The following UGT1A8 variants were observed in gnomAD, a reference collection of about 807,000 sequenced individuals.
UGT1A8 encodes the protein UDP glucuronosyltransferase family 1 member A8.
UGT1A8 carries 39 observed loss-of-function variants against 45.3 expected under a neutral mutation model. The observed-to-expected ratio is 0.86, with a 90% CI of 0.67 to 1.12. UGT1A8 has a LOEUF of 1.12. Among genes scored for constraint, UGT1A8 ranks in the 50% most tolerant of loss-of-function variants. The pLI, the probability that UGT1A8 is intolerant of heterozygous loss-of-function variation, is 0.00. For synonymous variants in UGT1A8, 275 were observed against 249.2 expected (o/e 1.10, Z -0.97); for missense variants, 719 against 664.9 (o/e 1.08, Z -0.90).
At chr2:233,661,597 C>G (rs948798053) in intron 1 of UGT1A8, among the ~76,000 whole-genome samples, 2 of 145,708 alleles carry the variant, frequency 1.4e-5, no homozygotes, top group Non-Finnish European at 3.1e-5. Flanking sequence ...AGCCTGCTGG[C>G]ATCACTGCAG....
rs45497792 is a variant in UGT1A8, at chr2:233,681,467, G to A, written c.855+62905G>A. 3.0e-3 allele frequency among the ~76,000 whole-genome samples: 440 copies of A among 144,686 alleles called. 4 individuals are homozygous for A. Among genetic ancestry groups the A allele is most frequent in the African/African-American group, 0.011 (418 of 38,962 alleles). 94.9% of individuals were successfully genotyped at this position (144,686 alleles called of 152,430 possible). On this transcript the variant is annotated intron_variant, in intron 1 of 4. Transcript: ENST00000373450. ...AATCGTTTGAACCCAGGAAGTGGAGGTTGCAGTGAGCCTAGATCTTACCAC... is the reference window on the plus strand; with the variant it reads ...AATCGTTTGAACCCAGGAAGTGGAGATTGCAGTGAGCCTAGATCTTACCAC...
At chr2:233,689,976 G>A (rs1450034363) in intron 1 of UGT1A8, 1 of 453,954 alleles carries the variant, frequency 2.2e-6, no homozygotes, top group East Asian at 7.0e-5. Context: ...GAACCCACAG[G>A]CCCCTAAAAG....
At chr2:233,636,574 C>T in intron 1 of UGT1A8, 1 of 1,614,154 alleles carries the variant, frequency 6.2e-7, no homozygotes, top group East Asian at 2.2e-5. Context: ...GTGTCTACTG[C>T]TGACCTGTGG....
chr2:233,729,156 G>A (rs397978902), intron 1 of UGT1A8: 62 of 1,613,462 alleles, frequency 3.8e-5, no homozygotes, highest in East Asian at 8.9e-5. Flanking sequence ...TTCCCCTGCC[G>A]TGGCTGGCCA....
At chr2:233,699,283 A>T (rs537298659) in intron 1 of UGT1A8, among the ~76,000 whole-genome samples, 2 of 152,194 alleles carry the variant, frequency 1.3e-5, no homozygotes, top group South Asian at 4.1e-4. Context: ...TCCAGGCCAG[A>T]TGCTGGGACA....
chr2:233,628,114 G>A (rs1264619344), intron 1 of UGT1A8, among the ~76,000 whole-genome samples: 3 of 152,014 alleles, frequency 2.0e-5, no homozygotes, highest in Admixed American at 1.3e-4. Flanking sequence ...AAGATTTAAT[G>A]CTGCCTCTAT....
intron 1 of UGT1A8, among the ~76,000 whole-genome samples, chr2:233,652,629 G>C (rs1468911916): frequency 6.6e-6 from 1 of 152,164 alleles, no homozygotes; most frequent in Non-Finnish European, 1.5e-5. Context: ...TGTACATGCA[G>C]ATCAGTAGAA....
Position 233,725,768 on chromosome 2 carries a change from T to C in UGT1A8, c.856-41266T>C, listed in dbSNP as rs1448370166. Among the ~76,000 whole-genome samples, 5 of 152,306 alleles carry C rather than the reference T, an allele frequency of 3.3e-5. No individual in the cohort carries two copies. The South Asian group carries it at 1.0e-3, about 32-fold the overall frequency. ...GTAAGAGACTTACATTTTCTTCACATAGTTTGTTGTTATCATTAAATAATA... is the reference window on the plus strand; with the variant it reads ...GTAAGAGACTTACATTTTCTTCACACAGTTTGTTGTTATCATTAAATAATA... On this transcript the variant is annotated intron_variant, in intron 1 of 4. Coordinates refer to ENST00000373450, the MANE Select transcript of UGT1A8 (RefSeq NM_019076.5).
chr2:233,661,598 A>G (rs2073964260), intron 1 of UGT1A8, among the ~76,000 whole-genome samples: 1 of 141,574 alleles, frequency 7.1e-6, no homozygotes, highest in African/African-American at 2.5e-5. Context: ...GCCTGCTGGC[A>G]TCACTGCAGT....
chr2:233,641,716 C>T lies in UGT1A8; in HGVS notation c.855+23154C>T, dbSNP rs557775735. ...GTCTGGAATTGATAAAATTCCTCAA[C>T]TTTTGTCTTGGAAAGTCTTTATTTC... On this transcript the variant is annotated intron_variant, in intron 1 of 4. Coordinates refer to ENST00000373450, the MANE Select transcript of UGT1A8 (RefSeq NM_019076.5). Among the ~76,000 whole-genome samples, 4 of 152,272 alleles carry T rather than the reference C, an allele frequency of 2.6e-5. No homozygotes were observed. The South Asian group carries it at 8.3e-4, about 32-fold the overall frequency.
intron 1 of UGT1A8, chr2:233,760,113 A>G: frequency 2.4e-6 from 3 of 1,233,108 alleles, no homozygotes; most frequent in Non-Finnish European, 3.3e-6. Flanking sequence ...TAAGAAACCT[A>G]ATAAAGCTCC....
At chr2:233,619,346 T>A (rs1183011248) in intron 1 of UGT1A8, among the ~76,000 whole-genome samples, 1 of 152,186 alleles carries the variant, frequency 6.6e-6, no homozygotes, top group African/African-American at 2.4e-5. Flanking sequence ...AATATTGATA[T>A]ATGTTTAGGC....
intron 1 of UGT1A8, among the ~76,000 whole-genome samples, chr2:233,661,267 G>A (rs1423826322): frequency 6.6e-6 from 1 of 151,828 alleles, no homozygotes; most frequent in Non-Finnish European, 1.5e-5. Context: ...GGGCACAGAG[G>A]ACTTCCCATG....
Position 233,769,827 on chromosome 2 carries a change from C to A in UGT1A8, c.1295+1388C>A, listed in dbSNP as rs926014830. ...CCGTGATCATGCCACTGCACTCCAGCAACCTGGGCAACAGAGTGAGACCCT... is the reference window on the plus strand; with the variant it reads ...CCGTGATCATGCCACTGCACTCCAGAAACCTGGGCAACAGAGTGAGACCCT... On this transcript the variant is annotated intron_variant, in intron 4 of 4. Transcript: ENST00000373450. This position sits in a 1 kb window ranked among gnomAD's most constrained non-coding sequence, Gnocchi z 4.4. 26 of 649,106 alleles carry A rather than the reference C, an allele frequency of 4.0e-5. No individual in the cohort carries two copies. The highest frequency in any genetic ancestry group is 5.2e-5 in the Non-Finnish European group (23 of 440,480). 40.2% of individuals were successfully genotyped at this position (649,106 alleles called of 1,614,324 possible). A position where few individuals can be genotyped will look rare whatever the true frequency, so the allele number is the denominator to read the frequency against.
Position 233,712,193 on chromosome 2 carries a change from C to A in UGT1A8, c.856-54841C>A, listed in dbSNP as rs144263331. Reference sequence around the variant, plus strand: ...ATCTGAGGCCAGGCTCCAGCTCCCCCGGTCCCTTGGTGAGCAGGAGCTCCC... The same window carrying A: ...ATCTGAGGCCAGGCTCCAGCTCCCCAGGTCCCTTGGTGAGCAGGAGCTCCC... On this transcript the variant is annotated intron_variant, in intron 1 of 4. Transcript: ENST00000373450. Among the ~76,000 whole-genome samples the A allele has an allele frequency of 5.1e-3, 772 of 152,336 alleles. 4 individuals carry two copies. The highest frequency in any genetic ancestry group is 8.4e-3 in the Non-Finnish European group (571 of 68,036).
chr2:233,687,516 A>G (rs1431513640), intron 1 of UGT1A8, among the ~76,000 whole-genome samples: 2 of 144,632 alleles, frequency 1.4e-5, no homozygotes, highest in Non-Finnish European at 3.0e-5. Context: ...AGAGGGGTTG[A>G]GTGACTTGCC....
chr2:233,698,420 T>G (rs2075440349), intron 1 of UGT1A8, among the ~76,000 whole-genome samples: 1 of 152,188 alleles, frequency 6.6e-6, no homozygotes, highest in African/African-American at 2.4e-5. Flanking sequence ...CGCAATAAAT[T>G]ATTTAAGAAA....
chr2:233,732,205 G>T, intron 1 of UGT1A8, among the ~76,000 whole-genome samples: 1 of 152,068 alleles, frequency 6.6e-6, no homozygotes, highest in South Asian at 2.1e-4. Context: ...TTGTCAGATG[G>T]GTAGATTGCA....
At chr2:233,768,582 CTTTTTTTTTT>C (rs139595073) in intron 4 of UGT1A8, 143 bp downstream of exon 4, 137,204 of 1,033,644 alleles carry the variant, frequency 0.13, 3,227 homozygotes, top group African/African-American at 0.2. Flanking sequence ...TTTATTTCTT[CTTTTTTTTTT>C]TTTTTTTTTT....
Sources: allele counts gnomAD v4.1 joint callset (sites outside exome capture counted in the v4.1 genomes callset), GRCh38; gene constraint gnomAD v4.1.1; non-coding constraint Gnocchi (gnomAD v3.1); transcripts MANE v1.5; gene names NCBI Gene and HGNC (gene_info 2026-07-23, HGNC 2026-07-21).